Variants in BLMH observed in about 807,000 individuals in gnomAD.
BLMH encodes bleomycin hydrolase, also known as BLM hydrolase.
Under a neutral mutation model 61.6 loss-of-function variants are expected in BLMH, and 32 were observed. That is an observed-to-expected ratio of 0.52 (90% CI 0.39 to 0.70). The LOEUF (loss-of-function observed/expected upper bound fraction) is 0.70, where lower values mean the gene tolerates loss of function less well. BLMH is among the 30% of genes least tolerant of loss of function. The probability of loss-of-function intolerance (pLI) is 0.00; values close to 1 mark genes in which losing one functional copy is unlikely to be tolerated. For synonymous variants in BLMH, 183 were observed against 193.8 expected (o/e 0.94, Z 0.46); for missense variants, 460 against 555.5 (o/e 0.83, Z 1.73).
In BLMH at chr17:30,278,656, G is replaced by A. The variant is rs145350597; in HGVS notation, c.646-4459C>T. On this transcript the variant is annotated intron_variant, in intron 6 of 11. Coordinates refer to ENST00000261714, the MANE Select transcript of BLMH (RefSeq NM_000386.4). The stretch of plus-strand genomic sequence containing the variant: ...ATACATATGTTAAGAAATATTTAAC[G>A]AACACGTGACTTTTTTTGTGGGGGG... 3.3e-5 allele frequency among the ~76,000 whole-genome samples: 5 copies of A among 152,088 alleles called. No individual in the cohort carries two copies. In the East Asian group the frequency reaches 7.7e-4, roughly 24 times the overall value.
intron 6 of BLMH, among the ~76,000 whole-genome samples, chr17:30,274,678 A>G (rs1262409723): frequency 6.6e-6 from 1 of 152,170 alleles, no homozygotes; most frequent in Non-Finnish European, 1.5e-5. Context: ...AATGCCTGTT[A>G]AAAGTATTAC....
At chr17:30,252,367 TCATCCTGACGTGGCATAGCA>T (rs1907691066) in intron 11 of BLMH, 1 of 151,942 alleles carries the variant, frequency 6.6e-6, no homozygotes. Context: ...CAAAGACAGA[TCATCCTGACGTGGCATAGCA>T]TACGTTTACC....
At chr17:30,265,186 T>G (rs1218148681) in intron 11 of BLMH, among the ~76,000 whole-genome samples, 1 of 152,168 alleles carries the variant, frequency 6.6e-6, no homozygotes, top group African/African-American at 2.4e-5. Context: ...CACAGCATAT[T>G]CCAGGGACAG....
intron 4 of BLMH, 64 bp from the exon 5 acceptor site, chr17:30,286,966 G>A: frequency 3.8e-6 from 4 of 1,049,040 alleles, no homozygotes; most frequent in Non-Finnish European, 5.7e-6. Flanking sequence ...CAAAAATAGT[G>A]ATTGTTTCAA....
chr17:30,252,880 G>C (rs1907711697), intron 11 of BLMH, among the ~76,000 whole-genome samples: 1 of 152,098 alleles, frequency 6.6e-6, no homozygotes, highest in African/African-American at 2.4e-5. Context: ...GTCAGGACCT[G>C]GCCCTTAATT....
At chr17:30,282,484 C>T (rs1908619102) in intron 6 of BLMH, among the ~76,000 whole-genome samples, 1 of 152,114 alleles carries the variant, frequency 6.6e-6, no homozygotes, top group Non-Finnish European at 1.5e-5. Flanking sequence ...TCCCAAAGTG[C>T]TGGGATTATA....
chr17:30,283,571 G>C (rs944479005), intron 6 of BLMH, among the ~76,000 whole-genome samples: 20 of 148,636 alleles, frequency 1.3e-4, no homozygotes, highest in African/African-American at 5.0e-4. Context: ...CACCAGGCTG[G>C]AGTACAGTGG....
rs972006164 is a variant in BLMH, at chr17:30,291,787, G to A, written c.13+20C>T. ...CGGAGCTCCTCCAGAGGACCGCGGCGGGGGACGGCGGCACCTCACCCGAGC... is the reference window on the plus strand; with the variant it reads ...CGGAGCTCCTCCAGAGGACCGCGGCAGGGGACGGCGGCACCTCACCCGAGC... On this transcript the variant is annotated intron_variant, in intron 1 of 11. Transcript: ENST00000261714. The A allele has an allele frequency of 2.9e-6, 4 of 1,402,250 alleles. No homozygotes were observed. The highest frequency in any genetic ancestry group is 5.3e-5 in the East Asian group (2 of 37,978). The allele number at this position is 1,402,250 out of a possible 1,614,324, so 86.9% of individuals were successfully genotyped here. A position where few individuals can be genotyped will look rare whatever the true frequency, so the allele number is the denominator to read the frequency against.
At chr17:30,268,210 C>A (rs1908162540) in intron 10 of BLMH, among the ~76,000 whole-genome samples, 2 of 152,116 alleles carry the variant, frequency 1.3e-5, no homozygotes, top group African/African-American at 4.8e-5. Context: ...GATATAGTTA[C>A]TTGTTACTCT....
rs748349058 is a variant in BLMH, at chr17:30,249,056, G to A, written c.1329C>T (p.Ile443=). 2.5e-6 allele frequency: 4 copies of A among 1,613,984 alleles called. No individual in the cohort carries two copies. The highest frequency in any genetic ancestry group is 3.3e-5 in the Admixed American group (2 of 60,004). The change falls in exon 12 of 12, where the codon ATC becomes ATT. Residue 443 remains isoleucine, a synonymous_variant. Transcript: ENST00000261714. Reference sequence around the variant, plus strand: ...CTCCCATGGGGTCCCATGCTGGCAGGATAATGGGTTCCTGCTCTAACACAG... The same window carrying A: ...CTCCCATGGGGTCCCATGCTGGCAGAATAATGGGTTCCTGCTCTAACACAG... The part of the protein sequence containing the change: ...VLAVLEQEPI[I]LPAWDPMGAL...
At chr17:30,284,631 C>T (rs931702754) in intron 6 of BLMH, among the ~76,000 whole-genome samples, 1 of 152,136 alleles carries the variant, frequency 6.6e-6, no homozygotes, top group Non-Finnish European at 1.5e-5. Flanking sequence ...AATAATATTA[C>T]CACCTCATAT....
Position 30,278,952 on chromosome 17 carries a change from G to A in BLMH, c.646-4755C>T, listed in dbSNP as rs114280630. 4.6e-3 allele frequency among the ~76,000 whole-genome samples: 693 copies of A among 152,228 alleles called. 8 individuals carry two copies. Among genetic ancestry groups the A allele is most frequent in the African/African-American group, 0.016 (660 of 41,538 alleles). On this transcript the variant is annotated intron_variant, in intron 6 of 11. Transcript: ENST00000261714. ...AGTGCTGGGATTATAGGCGTAAGCC[G>A]CCACACCCAGCCCCACATCTAGCCC...
Position 30,272,312 on chromosome 17 carries a change from G to T in BLMH, c.1028+249C>A, listed in dbSNP as rs549414131. ...TAAAGTGTCTTTCTCATAGAGGATGGCTTTTTAGGAACGCCCAACGATTTC... is the reference window on the plus strand; with the variant it reads ...TAAAGTGTCTTTCTCATAGAGGATGTCTTTTTAGGAACGCCCAACGATTTC... On this transcript the variant is annotated intron_variant, in intron 9 of 11. Coordinates refer to ENST00000261714, the MANE Select transcript of BLMH (RefSeq NM_000386.4). The T allele has an allele frequency of 9.4e-6, 5 of 529,474 alleles. No homozygotes were observed. In the East Asian group the frequency reaches 1.5e-4, roughly 16 times the overall value. 32.8% of individuals were successfully genotyped at this position (529,474 alleles called of 1,614,324 possible).
At position 30,250,347 on chromosome 17, in the gene BLMH, C is replaced by T. The variant is rs1907638430; in HGVS notation, c.1217-1179G>A. 2.0e-5 allele frequency: 3 copies of T among 152,234 alleles called. 1 individual carries two copies. The South Asian group carries it at 6.2e-4, about 32-fold the overall frequency. The allele number at this position is 152,234 out of a possible 1,614,324, so 9.4% of individuals were successfully genotyped here. A position where few individuals can be genotyped will look rare whatever the true frequency, so the allele number is the denominator to read the frequency against. On this transcript the variant is annotated intron_variant, in intron 11 of 11. Coordinates refer to ENST00000261714, the MANE Select transcript of BLMH (RefSeq NM_000386.4). ...ATGATTCCGACAAAGGACTAACACC[C>T]AGAGTCTACAAGGAACTCAAACAAT...
chr17:30,270,135 T>C (rs193031803), intron 10 of BLMH, among the ~76,000 whole-genome samples: 1 of 152,216 alleles, frequency 6.6e-6, no homozygotes, highest in Admixed American at 6.5e-5. Context: ...CATAATGATA[T>C]GCTAAGATAT....
intron 6 of BLMH, among the ~76,000 whole-genome samples, chr17:30,277,423 G>A (rs1908452479): frequency 6.6e-6 from 1 of 152,204 alleles, no homozygotes; most frequent in Non-Finnish European, 1.5e-5. Context: ...TCAAGTCAAT[G>A]ACAATGAAGG....
Position 30,266,943 on chromosome 17 carries a change from A to G in BLMH, c.1158T>C (p.Asp386=). ...CCACTCTCCATTTTGTGAAAGCACC[A>G]TCCTGATCATCCTGCAAAAAAGTGG... ...FTAVSEKDDQ[D]GAFTKWRVEN... The change falls in exon 11 of 12, where the codon GAT becomes GAC. Residue 386 remains aspartate, a synonymous_variant. Coordinates refer to ENST00000261714, the MANE Select transcript of BLMH (RefSeq NM_000386.4). 1 of 1,614,074 alleles carries G rather than the reference A, an allele frequency of 6.2e-7. No homozygotes were observed. Among genetic ancestry groups the G allele is most frequent in the Non-Finnish European group, 8.5e-7 (1 of 1,179,942 alleles).
At chr17:30,274,822 GA>G (rs1203902365) in intron 6 of BLMH, among the ~76,000 whole-genome samples, 1 of 151,640 alleles carries the variant, frequency 6.6e-6, no homozygotes, top group Non-Finnish European at 1.5e-5. Flanking sequence ...TCTTAAAAAA[GA>G]AAAAAATTAG....
At position 30,285,493 on chromosome 17, in the gene BLMH, C is replaced by G; in HGVS notation, c.553-13G>C. ...AGAATTCTCTCATCTATGACAGAAA[C>G]TTATTCAGCACTCCAACAGTTACCC... On this transcript the variant is annotated splice_polypyrimidine_tract_variant and intron_variant, in intron 5 of 11. Coordinates refer to ENST00000261714, the MANE Select transcript of BLMH (RefSeq NM_000386.4). 1 of 1,590,556 alleles carries G rather than the reference C, an allele frequency of 6.3e-7. No individual in the cohort carries two copies. Among genetic ancestry groups the G allele is most frequent in the Non-Finnish European group, 8.6e-7 (1 of 1,164,798 alleles).
Sources: gnomAD v4.1 joint callset for allele counts (sites outside exome capture counted in the v4.1 genomes callset) on GRCh38, gnomAD v4.1.1 for gene constraint, MANE v1.5 for transcripts, NCBI Gene and HGNC (gene_info 2026-07-23, HGNC 2026-07-21) for gene names.